FRMD4B: variants seen among roughly 807,000 people sequenced by gnomAD.
FRMD4B encodes FERM domain containing 4B.
In FRMD4B, 74 loss-of-function variants were observed where a neutral mutation model predicts 141.5. That is an observed-to-expected ratio of 0.52 (90% CI 0.43 to 0.63). FRMD4B has a LOEUF of 0.63. Ranked by LOEUF, FRMD4B falls within the 30% of genes least tolerant of loss-of-function variation. FRMD4B has a pLI of 0.00. For missense variants in FRMD4B, 1,366 were observed against 1,253.4 expected (o/e 1.09, Z -1.36); for synonymous variants, 506 against 467.9 (o/e 1.08, Z -1.05).
At chr3:69,528,670 G>C (rs1700968201) in intron 1 of FRMD4B, among the ~76,000 whole-genome samples, 1 of 152,076 alleles carries the variant, frequency 6.6e-6, no homozygotes, top group African/African-American at 2.4e-5. Context: ...CCAGCCTATG[G>C]TTTTCTTAGT....
intron 1 of FRMD4B, among the ~76,000 whole-genome samples, chr3:69,539,032 A>G (rs574617039): frequency 2.0e-5 from 3 of 152,328 alleles, no homozygotes; most frequent in African/African-American, 7.2e-5. Context: ...AACATATAAA[A>G]ATAGTGCATT....
At chr3:69,527,186 TACA>T (rs1700942142) in intron 1 of FRMD4B, among the ~76,000 whole-genome samples, 1 of 152,032 alleles carries the variant, frequency 6.6e-6, no homozygotes, top group Non-Finnish European at 1.5e-5. Flanking sequence ...CTGGGTAAAA[TACA>T]ACATCACTAA....
chr3:69,401,325 A>G (rs1704560256), intron 2 of FRMD4B, among the ~76,000 whole-genome samples: 1 of 152,204 alleles, frequency 6.6e-6, no homozygotes, highest in African/African-American at 2.4e-5. Flanking sequence ...GAGGGATATC[A>G]GGGGCTTGGG....
chr3:69,409,348 CA>C (rs1338091756), intron 2 of FRMD4B, among the ~76,000 whole-genome samples: 1 of 152,196 alleles, frequency 6.6e-6, no homozygotes, highest in Non-Finnish European at 1.5e-5. Flanking sequence ...GAAACTCATA[CA>C]ACCAGGAGAT....
chr3:69,267,522 C>T (rs1196474857), intron 5 of FRMD4B, among the ~76,000 whole-genome samples: 2 of 151,308 alleles, frequency 1.3e-5, no homozygotes, highest in Non-Finnish European at 2.9e-5. Flanking sequence ...CACTACTGCA[C>T]ACCCAGCACC....
chr3:69,378,894 G>A (rs1181246164), intron 1 of FRMD4B, among the ~76,000 whole-genome samples: 1 of 151,394 alleles, frequency 6.6e-6, no homozygotes, highest in African/African-American at 2.4e-5. Context: ...CCTCCTACTT[G>A]TCCTTCAAAG....
intron 1 of FRMD4B, among the ~76,000 whole-genome samples, chr3:69,511,624 A>G (rs1706689714): frequency 6.6e-6 from 1 of 152,144 alleles, no homozygotes; most frequent in African/African-American, 2.4e-5. Flanking sequence ...TCCCATTCCT[A>G]TCAGACGCAG....
intron 2 of FRMD4B, among the ~76,000 whole-genome samples, chr3:69,421,002 C>T (rs1704967275): frequency 6.6e-6 from 1 of 152,204 alleles, no homozygotes; most frequent in South Asian, 2.1e-4. Context: ...CCCTCCCTCC[C>T]ACGCCCTCAC....
intron 2 of FRMD4B, among the ~76,000 whole-genome samples, chr3:69,427,815 C>A (rs1705112347): frequency 1.3e-5 from 2 of 151,952 alleles, no homozygotes; most frequent in South Asian, 4.2e-4. Context: ...GCCACCACGC[C>A]CAGCTAATTT....
chr3:69,222,235 G>A (rs888229040), intron 8 of FRMD4B, among the ~76,000 whole-genome samples: 6 of 152,004 alleles, frequency 3.9e-5, no homozygotes, highest in Admixed American at 2.0e-4. Flanking sequence ...CACTTTAGGA[G>A]GCTGAGGGGA....
intron 2 of FRMD4B, among the ~76,000 whole-genome samples, chr3:69,395,527 G>A (rs997351124): frequency 1.3e-5 from 2 of 152,036 alleles, no homozygotes; most frequent in Non-Finnish European, 2.9e-5. Context: ...TCCCATTATT[G>A]CTAAAAATAC....
chr3:69,180,896 C>A lies in FRMD4B; in HGVS notation c.2851+3G>T. On this transcript the variant is annotated splice_donor_region_variant and intron_variant, in intron 21 of 22. Transcript: ENST00000398540. ...GTGTTGCGTGTTTTTACAGTATTCT[C>A]ACCTGAAGAGTACGAGGATGCACGA... The A allele has an allele frequency of 6.3e-7, 1 of 1,579,158 alleles. No individual in the cohort carries two copies. The highest frequency in any genetic ancestry group is 1.1e-5 in the South Asian group (1 of 88,370).
intron 1 of FRMD4B, among the ~76,000 whole-genome samples, chr3:69,498,492 T>G (rs76832727): frequency 2.0e-5 from 3 of 152,102 alleles, no homozygotes; most frequent in Admixed American, 2.0e-4. Context: ...AATATGAGAA[T>G]AGTTGTGCAA....
At chr3:69,303,557 G>A (rs927959873) in intron 3 of FRMD4B, among the ~76,000 whole-genome samples, 2 of 152,152 alleles carry the variant, frequency 1.3e-5, no homozygotes, top group South Asian at 2.1e-4. Flanking sequence ...TAGGCCATAT[G>A]TTAATATTAA....
At chr3:69,385,169 G>C (rs932516716) in intron 1 of FRMD4B, among the ~76,000 whole-genome samples, 5 of 152,052 alleles carry the variant, frequency 3.3e-5, no homozygotes, top group African/African-American at 1.2e-4. Flanking sequence ...GGATGGGACC[G>C]AGCAGAGAAA....
intron 1 of FRMD4B, among the ~76,000 whole-genome samples, chr3:69,507,215 T>C (rs997437838): frequency 6.6e-6 from 1 of 152,200 alleles, no homozygotes; most frequent in Admixed American, 6.5e-5. Context: ...ATAGGCAGTA[T>C]ATACAGACAG....
chr3:69,478,579 A>T (rs1056610137), intron 1 of FRMD4B, among the ~76,000 whole-genome samples: 2 of 152,186 alleles, frequency 1.3e-5, no homozygotes, highest in Admixed American at 6.5e-5. Flanking sequence ...ACAGTTTGTT[A>T]TAATTTCTGT....
At chr3:69,348,325 A>G (rs1303337489) in intron 1 of FRMD4B, among the ~76,000 whole-genome samples, 1 of 152,208 alleles carries the variant, frequency 6.6e-6, no homozygotes, top group Non-Finnish European at 1.5e-5. Flanking sequence ...GAGGCTCTGA[A>G]ATTGAGGCAA....
chr3:69,265,115 G>T (rs938165473), intron 5 of FRMD4B, among the ~76,000 whole-genome samples: 1 of 150,108 alleles, frequency 6.7e-6, no homozygotes, highest in African/African-American at 2.4e-5. Context: ...ATTAGCCGGG[G>T]GCAGTGGTGG....
Sources: gnomAD v4.1 joint callset for allele counts (sites outside exome capture counted in the v4.1 genomes callset) on GRCh38, gnomAD v4.1.1 for gene constraint, MANE v1.5 for transcripts, NCBI Gene and HGNC (gene_info 2026-07-23, HGNC 2026-07-21) for gene names.